The following WASF1 variants were observed in gnomAD, a reference collection of about 807,000 sequenced individuals.
WASF1 encodes actin-binding protein WASF1.
WASF1 carries 7 observed loss-of-function variants against 50.5 expected under a neutral mutation model. That is an observed-to-expected ratio of 0.14 (90% CI 0.08 to 0.26). WASF1 has a LOEUF of 0.26. WASF1 is among the 10% of genes least tolerant of loss of function. WASF1 has a pLI of 1.00. For missense variants in WASF1, 470 were observed against 694.7 expected (o/e 0.68, Z 3.64); for synonymous variants, 205 against 244.0 (o/e 0.84, Z 1.49).
chr6:110,112,661 G>C (rs1773612882), intron 5 of WASF1, among the ~76,000 whole-genome samples: 2 of 151,988 alleles, frequency 1.3e-5, no homozygotes, highest in Admixed American at 6.6e-5. Context: ...CAACACTTTG[G>C]GAGGCCGAGG....
chr6:110,143,359 T>C (rs1775350637), intron 3 of WASF1, among the ~76,000 whole-genome samples: 1 of 151,996 alleles, frequency 6.6e-6, no homozygotes, highest in Non-Finnish European at 1.5e-5. Context: ...TTTATTTTGA[T>C]GACTACTGCT....
chr6:110,163,070 C>T (rs1776324815), intron 2 of WASF1, among the ~76,000 whole-genome samples: 1 of 151,592 alleles, frequency 6.6e-6, no homozygotes, highest in Non-Finnish European at 1.5e-5. Context: ...AAGTCAACTG[C>T]TTCCCAACAT....
rs1773032703 is a variant in WASF1, at chr6:110,100,493, G to A, written c.*29C>T. On this transcript the variant is annotated 3_prime_UTR_variant, in exon 11 of 11. Coordinates refer to ENST00000392589, the MANE Select transcript of WASF1 (RefSeq NM_003931.3). ...GCACCACAAAGGACATTTGCATTCA[G>A]TTTTGTAATATTTATCAATGCATTT... The A allele has an allele frequency of 6.3e-7, 1 of 1,583,684 alleles. No individual in the cohort carries two copies. Among genetic ancestry groups the A allele is most frequent in the Middle Eastern group, 1.8e-4 (1 of 5,580 alleles).
chr6:110,108,718 T>C, intron 5 of WASF1, 37 bp from the exon 6 acceptor site: 3 of 1,577,158 alleles, frequency 1.9e-6, no homozygotes, highest in Non-Finnish European at 2.6e-6. Context: ...TATTTTATTT[T>C]ACTAAGATGA....
intron 6 of WASF1, among the ~76,000 whole-genome samples, chr6:110,107,608 T>A (rs1474016773): frequency 1.3e-5 from 2 of 152,216 alleles, no homozygotes; most frequent in Admixed American, 1.3e-4. Flanking sequence ...ATTATCTTAC[T>A]AAATCCAAAA....
intron 3 of WASF1, among the ~76,000 whole-genome samples, chr6:110,138,490 C>A (rs566535071): frequency 6.6e-6 from 1 of 152,220 alleles, no homozygotes; most frequent in African/African-American, 2.4e-5. Context: ...TCTTGTCCCA[C>A]GTCTGGGAAG....
At chr6:110,153,621 A>G (rs1292641453) in intron 3 of WASF1, among the ~76,000 whole-genome samples, 1 of 152,062 alleles carries the variant, frequency 6.6e-6, no homozygotes, top group Non-Finnish European at 1.5e-5. Flanking sequence ...TAAAGCTAAC[A>G]CAAGACTGGA....
intron 5 of WASF1, among the ~76,000 whole-genome samples, chr6:110,110,401 T>C (rs1414980300): frequency 6.6e-6 from 1 of 152,190 alleles, no homozygotes; most frequent in Admixed American, 6.5e-5. Context: ...TCAAAGTGGA[T>C]CAATTCTTGC....
chr6:110,155,382 T>C (rs1584014148), intron 3 of WASF1, among the ~76,000 whole-genome samples: 1 of 151,944 alleles, frequency 6.6e-6, no homozygotes, highest in Non-Finnish European at 1.5e-5. Context: ...AGAGAGTTCT[T>C]TGAAAGCAAA....
At chr6:110,130,815 C>T (rs940958847) in intron 3 of WASF1, among the ~76,000 whole-genome samples, 47 of 152,210 alleles carry the variant, frequency 3.1e-4, no homozygotes, top group Admixed American at 5.9e-4. Context: ...ACTTTACTTT[C>T]GGCAGTTAAG....
At chr6:110,145,667 G>A (rs1775523125) in intron 3 of WASF1, among the ~76,000 whole-genome samples, 1 of 152,132 alleles carries the variant, frequency 6.6e-6, no homozygotes, top group Non-Finnish European at 1.5e-5. Flanking sequence ...TTTTTAGCAT[G>A]AAGGGTTGCT....
At chr6:110,146,298 T>A (rs1330017999) in intron 3 of WASF1, among the ~76,000 whole-genome samples, 2 of 152,110 alleles carry the variant, frequency 1.3e-5, no homozygotes, top group Admixed American at 6.5e-5. Flanking sequence ...AAATACTTAT[T>A]AAGAAATGTC....
chr6:110,160,071 T>C (rs1420008622), intron 3 of WASF1, among the ~76,000 whole-genome samples: 1 of 151,898 alleles, frequency 6.6e-6, no homozygotes, highest in Non-Finnish European at 1.5e-5. Context: ...AGAATAAGTC[T>C]AATTTAAAAA....
intron 3 of WASF1, among the ~76,000 whole-genome samples, chr6:110,153,190 G>A (rs192122374): frequency 3.9e-5 from 6 of 152,230 alleles, no homozygotes; most frequent in Admixed American, 2.0e-4. Flanking sequence ...GCAGTGGAAC[G>A]GTTGGGTTAT....
At chr6:110,139,687 C>T (rs1014037078) in intron 3 of WASF1, among the ~76,000 whole-genome samples, 10 of 152,296 alleles carry the variant, frequency 6.6e-5, no homozygotes, top group Admixed American at 3.9e-4. Context: ...CCATCCCACA[C>T]CACTGCTTTA....
At chr6:110,170,718 A>C (rs1016065026) in intron 2 of WASF1, among the ~76,000 whole-genome samples, 1 of 152,166 alleles carries the variant, frequency 6.6e-6, no homozygotes, top group Non-Finnish European at 1.5e-5. Flanking sequence ...ACCCACTTTA[A>C]ATGTAGAAAT....
At chr6:110,124,268 CTCTCTCTATATATATATATA>C (rs1562170393) in intron 4 of WASF1, among the ~76,000 whole-genome samples, 20 of 59,226 alleles carry the variant, frequency 3.4e-4, no homozygotes, top group African/African-American at 1.7e-3. Context: ...CTCTCTCTCT[CTCTCTCTATATATATATATA>C]TATATATATA....
At chr6:110,133,668 C>T (rs978166837) in intron 3 of WASF1, among the ~76,000 whole-genome samples, 1 of 151,974 alleles carries the variant, frequency 6.6e-6, no homozygotes, top group African/African-American at 2.4e-5. Context: ...GTTTTTTGGC[C>T]ACTCGTATAT....
intron 2 of WASF1, among the ~76,000 whole-genome samples, chr6:110,174,199 C>G (rs150318997): frequency 1.1e-4 from 17 of 152,188 alleles, no homozygotes; most frequent in African/African-American, 3.9e-4. Flanking sequence ...TAGCTAACTT[C>G]CACTAATCTT....
Sources: gnomAD v4.1 joint callset for allele counts (sites outside exome capture counted in the v4.1 genomes callset) on GRCh38, gnomAD v4.1.1 for gene constraint, MANE v1.5 for transcripts, NCBI Gene and HGNC (gene_info 2026-07-23, HGNC 2026-07-21) for gene names.